The following FEZ2 variants were observed in gnomAD, a reference collection of about 807,000 sequenced individuals.
The protein encoded by FEZ2 is fasciculation and elongation protein zeta-2.
A neutral mutation model predicts 40.4 loss-of-function variants in FEZ2; 51 were observed. That is an observed-to-expected ratio of 1.26 (90% confidence interval 1.01 to 1.59). The LOEUF is 1.59. FEZ2 is among the 40% of genes most tolerant of loss of function. The pLI is 0.00. For synonymous variants in FEZ2, 242 were observed against 172.0 expected (o/e 1.41, Z -3.18); for missense variants, 640 against 438.3 (o/e 1.46, Z -4.11).
intron 5 of FEZ2, among the ~76,000 whole-genome samples, chr2:36,564,611 G>A (rs2125223839): frequency 6.6e-6 from 1 of 152,242 alleles, no homozygotes; most frequent in South Asian, 2.1e-4. Context: ...AAAACTGGAT[G>A]CCTACTTTCT....
chr2:36,594,163 G>A (rs1005320784), intron 1 of FEZ2, among the ~76,000 whole-genome samples: 1 of 151,980 alleles, frequency 6.6e-6, no homozygotes, highest in Non-Finnish European at 1.5e-5. Context: ...ATTGCTGTCA[G>A]CATTTTGGGA....
intron 1 of FEZ2, among the ~76,000 whole-genome samples, chr2:36,595,285 C>G (rs547429778): frequency 6.6e-6 from 1 of 152,038 alleles, no homozygotes; most frequent in Non-Finnish European, 1.5e-5. Context: ...TTTTACAACT[C>G]ACCATAACGT....
chr2:36,575,559 C>A (rs919429216), intron 5 of FEZ2, among the ~76,000 whole-genome samples: 1 of 152,186 alleles, frequency 6.6e-6, no homozygotes, highest in Non-Finnish European at 1.5e-5. Context: ...ATTGTTTCAT[C>A]TTACCCAACA....
In FEZ2 at chr2:36,570,373, ATAATT is replaced by A. The variant is rs377498610; in HGVS notation, c.903+8219_903+8223del. Among the ~76,000 whole-genome samples, 19 of 152,292 alleles carry A rather than the reference ATAATT, an allele frequency of 1.2e-4. No individual in the cohort carries two copies. In the East Asian group the frequency reaches 1.7e-3, roughly 14 times the overall value. ...CAAAGATCTTCAAAATTAGCATTAA[ATAATT>A]TAATTTTTATCTTTGAAGATCTTTT... On this transcript the variant is annotated intron_variant, in intron 5 of 7. Coordinates refer to ENST00000405912, the MANE Select transcript of FEZ2 (RefSeq NM_005102.3).
At chr2:36,582,442 G>C (rs1340629701) in intron 3 of FEZ2, among the ~76,000 whole-genome samples, 1 of 152,114 alleles carries the variant, frequency 6.6e-6, no homozygotes, top group East Asian at 1.9e-4. Context: ...TACAGAATCT[G>C]TTATTCTAAC....
chr2:36,584,828 A>G (rs1668856504), intron 2 of FEZ2, among the ~76,000 whole-genome samples: 1 of 152,226 alleles, frequency 6.6e-6, no homozygotes, highest in Non-Finnish European at 1.5e-5. Context: ...CACAGCCTAC[A>G]GAGTAAGAAA....
chr2:36,569,896 A>C (rs1191206074), intron 5 of FEZ2, among the ~76,000 whole-genome samples: 1 of 152,216 alleles, frequency 6.6e-6, no homozygotes, highest in Non-Finnish European at 1.5e-5. Context: ...TCTGACTCTT[A>C]CTCTAATCTA....
At position 36,553,171 on chromosome 2, in the gene FEZ2, G is replaced by A; in HGVS notation, c.1054C>T (p.Pro352Ser). ...LTDYILKVLCPT is the reference protein window; with the variant it reads ...LTDYILKVLCST The stretch of plus-strand genomic sequence containing the variant: ...CAGATAAAGTTGCTGCTCTATGTAG[G>A]ACACAGAACTAGAAGAAAAAGAGAA... The change falls in exon 8 of 8, where the codon CCT (proline) becomes TCT (serine). Residue 352 changes from proline to serine, a missense_variant. Physicochemically the swap from Pro to Ser is moderately conservative, Grantham distance 74. Coordinates refer to ENST00000405912, the MANE Select transcript of FEZ2 (RefSeq NM_005102.3). 6 of 1,563,040 alleles carry A rather than the reference G, an allele frequency of 3.8e-6. No individual in the cohort carries two copies. In the South Asian group the frequency reaches 5.9e-5, roughly 15 times the overall value.
At chr2:36,565,982 C>T (rs536126560) in intron 5 of FEZ2, among the ~76,000 whole-genome samples, 2 of 152,310 alleles carry the variant, frequency 1.3e-5, no homozygotes, top group East Asian at 3.9e-4. Context: ...CGCACTAAAG[C>T]ACATTGGATG....
In FEZ2 at chr2:36,597,861, G is replaced by A. The variant is rs942080431; in HGVS notation, c.266+16C>T. On this transcript the variant is annotated intron_variant, in intron 1 of 7. Coordinates refer to ENST00000405912, the MANE Select transcript of FEZ2 (RefSeq NM_005102.3). ...GGGAGGCTCCCGCCCACTCCCGGCC[G>A]GGGCCCCGCACTCACTCGTCCCCCT... 19 of 1,331,156 alleles carry A rather than the reference G, an allele frequency of 1.4e-5. No homozygotes were observed. In the African/African-American group the frequency reaches 2.2e-4, roughly 15 times the overall value. The allele number at this position is 1,331,156 out of a possible 1,614,324, so 82.5% of individuals were successfully genotyped here.
chr2:36,590,745 G>C (rs1669046762), intron 2 of FEZ2, 158 bp downstream of exon 2: 3 of 565,584 alleles, frequency 5.3e-6, no homozygotes. Flanking sequence ...CAAGGTGATG[G>C]CCCTACAGCC....
At chr2:36,583,493 T>C (rs935952915) in intron 2 of FEZ2, 24 bp from the exon 3 acceptor site, 2 of 1,184,890 alleles carry the variant, frequency 1.7e-6, no homozygotes, top group East Asian at 4.7e-5. Flanking sequence ...TACCCATCAT[T>C]AAAAGCAGGA....
At chr2:36,564,547 G>C (rs1376126562) in intron 5 of FEZ2, among the ~76,000 whole-genome samples, 1 of 152,090 alleles carries the variant, frequency 6.6e-6, no homozygotes, top group African/African-American at 2.4e-5. Flanking sequence ...TAAATGAAGC[G>C]AATGCTGCAG....
chr2:36,578,494 C>A, intron 5 of FEZ2, 103 bp downstream of exon 5: 1 of 1,174,262 alleles, frequency 8.5e-7, no homozygotes, highest in African/African-American at 1.5e-5. Context: ...TGTTAACACT[C>A]CTGCCCATGT....
rs780624804 is a variant in FEZ2 at position 36,560,949 on chromosome 2, T to C, written c.904-2436A>G. The C allele has an allele frequency of 4.9e-5, 38 of 782,058 alleles. No individual in the cohort carries two copies. In the Middle Eastern group the frequency reaches 9.4e-4, roughly 19 times the overall value. 48.4% of individuals were successfully genotyped at this position (782,058 alleles called of 1,614,324 possible). On this transcript the variant is annotated intron_variant, in intron 5 of 7. Transcript: ENST00000405912. ...TTAGTAAGAATGTACCATGATGACT[T>C]ATGTGCCCAAGAGGCAAGCAGTTAG...
In FEZ2 at chr2:36,596,630, A is replaced by AT. The variant is rs919232844; in HGVS notation, c.266+1246dup. 2.0e-4 allele frequency among the ~76,000 whole-genome samples: 31 copies of AT among 151,682 alleles called. No individual in the cohort carries two copies. In the South Asian group the frequency reaches 4.2e-3, roughly 20 times the overall value. On this transcript the variant is annotated intron_variant, in intron 1 of 7. Transcript: ENST00000405912. The stretch of plus-strand genomic sequence containing the variant: ...GGGCATGCGCCACCGGACTTCACTA[A>AT]TTTTTTTTTAATTTTTTTGTAAAGA...
At chr2:36,556,697 A>G (rs948987833) in intron 6 of FEZ2, 2 of 152,266 alleles carry the variant, frequency 1.3e-5, no homozygotes, top group African/African-American at 4.8e-5. Flanking sequence ...AAGGTTTGTT[A>G]TGAGGACTAA....
intron 2 of FEZ2, 78 bp downstream of exon 2, chr2:36,590,825 T>G (rs1157959780): frequency 1.7e-5 from 15 of 875,468 alleles, no homozygotes; most frequent in Non-Finnish European, 2.9e-5. Flanking sequence ...TGAATCTGTG[T>G]TAAGCAGAAA....
chr2:36,594,941 G>A (rs1473427138), intron 1 of FEZ2, among the ~76,000 whole-genome samples: 1 of 152,208 alleles, frequency 6.6e-6, no homozygotes, highest in African/African-American at 2.4e-5. Flanking sequence ...GGACACAGAG[G>A]CAACTCTAGT....
Sources: gnomAD v4.1 joint callset for allele counts (sites outside exome capture counted in the v4.1 genomes callset) on GRCh38, gnomAD v4.1.1 for gene constraint, MANE v1.5 for transcripts, NCBI Gene and HGNC (gene_info 2026-07-23, HGNC 2026-07-21) for gene names.